Variants in FMNL3 observed in about 807,000 individuals in gnomAD.
FMNL3 encodes formin-like protein 3.
In FMNL3, 57 loss-of-function variants were observed where a neutral mutation model predicts 119.6. The observed-to-expected ratio is 0.48, with a 90% CI of 0.39 to 0.59. The LOEUF (loss-of-function observed/expected upper bound fraction) is 0.59, where lower values mean the gene tolerates loss of function less well. Ranked by LOEUF, FMNL3 falls within the 20% of genes least tolerant of loss-of-function variation. The probability of loss-of-function intolerance (pLI) is 0.00; values close to 1 mark genes in which losing one functional copy is unlikely to be tolerated. For synonymous variants in FMNL3, 491 were observed against 507.3 expected, an observed-to-expected ratio of 0.97 and a Z score of 0.43; for missense variants, 1,053 against 1,323.5, an observed-to-expected ratio of 0.80 and a Z score of 3.17.
chr12:49,674,458 G>C (rs1272248388), intron 1 of FMNL3, among the ~76,000 whole-genome samples: 1 of 152,174 alleles, frequency 6.6e-6, no homozygotes, highest in Non-Finnish European at 1.5e-5. Flanking sequence ...CCCTGGTCCT[G>C]CCAAACTCTA....
At chr12:49,694,577 CAT>C (rs1385286474) in intron 1 of FMNL3, among the ~76,000 whole-genome samples, 2 of 152,142 alleles carry the variant, frequency 1.3e-5, no homozygotes, top group East Asian at 3.8e-4. Flanking sequence ...TGACCACGGA[CAT>C]AGTCAGTCTT....
At chr12:49,671,130 C>T (rs559056464) in intron 1 of FMNL3, among the ~76,000 whole-genome samples, 17 of 152,342 alleles carry the variant, frequency 1.1e-4, no homozygotes, top group African/African-American at 4.1e-4. Context: ...CCTCCCTCAG[C>T]CACCCACTGT....
intron 1 of FMNL3, among the ~76,000 whole-genome samples, chr12:49,701,753 G>A (rs750902628): frequency 7.9e-5 from 12 of 151,882 alleles, no homozygotes; most frequent in East Asian, 1.9e-4. Flanking sequence ...GTGAAACCCC[G>A]TCTCTACTAA....
In FMNL3 at chr12:49,640,661, A is replaced by C. The variant is rs1330802643; in HGVS notation, c.*5154T>G. On this transcript the variant is annotated 3_prime_UTR_variant, in exon 26 of 26. Coordinates refer to ENST00000335154, the MANE Select transcript of FMNL3 (RefSeq NM_175736.5). The stretch of plus-strand genomic sequence containing the variant: ...CTCTGAGCCTGTTTGCTCACCTGTA[A>C]ATCAGGGATAATTCATAGGTAAGGT... 1 of 152,222 alleles carries C rather than the reference A, an allele frequency of 6.6e-6. No homozygotes were observed. Among genetic ancestry groups the C allele is most frequent in the Non-Finnish European group, 1.5e-5 (1 of 68,046 alleles). 9.4% of individuals were successfully genotyped at this position (152,222 alleles called of 1,614,324 possible). A position where few individuals can be genotyped will look rare whatever the true frequency, so the allele number is the denominator to read the frequency against.
Position 49,654,901 on chromosome 12 carries a change from G to C in FMNL3, c.960+9C>G. On this transcript the variant is annotated intron_variant, in intron 10 of 25. Coordinates refer to ENST00000335154, the MANE Select transcript of FMNL3 (RefSeq NM_175736.5). ...TGGGTATGTGCTGGACCCAGGCCCAGTTCCTCACCATGAAGTCAATATTGC... is the reference window on the plus strand; with the variant it reads ...TGGGTATGTGCTGGACCCAGGCCCACTTCCTCACCATGAAGTCAATATTGC... The C allele has an allele frequency of 2.5e-6, 4 of 1,613,824 alleles. No homozygotes were observed. Among genetic ancestry groups the C allele is most frequent in the Non-Finnish European group, 3.4e-6 (4 of 1,179,818 alleles).
In FMNL3 at chr12:49,644,977, TGTACA is replaced by T. The variant is rs1259482050; in HGVS notation, c.*833_*837del. 6.6e-6 allele frequency: 1 copy of T among 152,052 alleles called. No homozygotes were observed. The allele number at this position is 152,052 out of a possible 1,614,324, so 9.4% of individuals were successfully genotyped here. ...TGAGAGGGGGAGAGTCTGAGGTTTA[TGTACA>T]GTAAGAGGAAAGGGAGGTGGTACAT... On this transcript the variant is annotated 3_prime_UTR_variant, in exon 26 of 26. Transcript: ENST00000335154.
At chr12:49,686,786 A>G (rs939585577) in intron 1 of FMNL3, among the ~76,000 whole-genome samples, 1 of 152,098 alleles carries the variant, frequency 6.6e-6, no homozygotes, top group South Asian at 2.1e-4. Flanking sequence ...CCTAGGAAAG[A>G]CAAGTATCTA....
chr12:49,653,399 C>G lies in FMNL3; in HGVS notation c.1222-72G>C, dbSNP rs4641552. 3 of 1,507,180 alleles carry G rather than the reference C, an allele frequency of 2.0e-6. No homozygotes were observed. The African/African-American group carries it at 4.1e-5, about 21-fold the overall frequency. 93.4% of individuals were successfully genotyped at this position (1,507,180 alleles called of 1,614,324 possible). A position where few individuals can be genotyped will look rare whatever the true frequency, so the allele number is the denominator to read the frequency against. On this transcript the variant is annotated intron_variant, in intron 12 of 25. Coordinates refer to ENST00000335154, the MANE Select transcript of FMNL3 (RefSeq NM_175736.5). ...CACTCAGCACAGCCTGAACCCTAGTCAAGACCTGAGTCGGACCCCTCAACA... is the reference window on the plus strand; with the variant it reads ...CACTCAGCACAGCCTGAACCCTAGTGAAGACCTGAGTCGGACCCCTCAACA...
intron 1 of FMNL3, among the ~76,000 whole-genome samples, chr12:49,694,321 G>T (rs1944693228): frequency 6.6e-6 from 1 of 152,230 alleles, no homozygotes; most frequent in Non-Finnish European, 1.5e-5. Flanking sequence ...CTGAGTAGAT[G>T]AATGGGAGAG....
intron 1 of FMNL3, among the ~76,000 whole-genome samples, chr12:49,700,832 C>A (rs1399651418): frequency 2.0e-5 from 3 of 150,288 alleles, no homozygotes; most frequent in Admixed American, 6.6e-5. Context: ...GTAATCCCAG[C>A]ACTTTGGGAG....
At chr12:49,698,876 C>A (rs188673188) in intron 1 of FMNL3, among the ~76,000 whole-genome samples, 101 of 152,292 alleles carry the variant, frequency 6.6e-4, no homozygotes, top group African/African-American at 2.3e-3. Flanking sequence ...ATTCTGGAAT[C>A]CACTTCACTT....
chr12:49,639,966 C>G lies in FMNL3; in HGVS notation c.*5849G>C, dbSNP rs1942383974. 1 of 152,242 alleles carries G rather than the reference C, an allele frequency of 6.6e-6. No homozygotes were observed. Among genetic ancestry groups the G allele is most frequent in the Admixed American group, 6.5e-5 (1 of 15,284 alleles). 9.4% of individuals were successfully genotyped at this position (152,242 alleles called of 1,614,324 possible). A position where few individuals can be genotyped will look rare whatever the true frequency, so the allele number is the denominator to read the frequency against. ...TTATTGGACAATTAACTTTTAGCCA[C>G]AGAGTGGCTGGTTGATAGGCCTGTA... On this transcript the variant is annotated 3_prime_UTR_variant, in exon 26 of 26. Coordinates refer to ENST00000335154, the MANE Select transcript of FMNL3 (RefSeq NM_175736.5).
In FMNL3 at chr12:49,643,751, C is replaced by T. The variant is rs1335227357; in HGVS notation, c.*2064G>A. ...AAAACTAAGAAGAGAAGACACAAGT[C>T]GGTGAGTGAAGGAACTTCTACCTAA... On this transcript the variant is annotated 3_prime_UTR_variant, in exon 26 of 26. Coordinates refer to ENST00000335154, the MANE Select transcript of FMNL3 (RefSeq NM_175736.5). 9 of 1,613,906 alleles carry T rather than the reference C, an allele frequency of 5.6e-6. No individual in the cohort carries two copies. The highest frequency in any genetic ancestry group is 2.7e-5 in the African/African-American group (2 of 74,894).
intron 1 of FMNL3, among the ~76,000 whole-genome samples, chr12:49,678,977 A>G (rs1944266023): frequency 6.6e-6 from 1 of 152,238 alleles, no homozygotes; most frequent in African/African-American, 2.4e-5. Context: ...GATAAAGGAT[A>G]TGATGAGCTA....
In FMNL3 at chr12:49,666,142, G is replaced by T; in HGVS notation, c.276C>A (p.Pro92=). The T allele has an allele frequency of 6.2e-7, 1 of 1,614,066 alleles. No homozygotes were observed. Among genetic ancestry groups the T allele is most frequent in the Non-Finnish European group, 8.5e-7 (1 of 1,179,924 alleles). Residue 92 remains proline (P), a synonymous_variant, in exon 3 of 26, where the codon CCC becomes CCA. Coordinates refer to ENST00000335154, the MANE Select transcript of FMNL3 (RefSeq NM_175736.5). The stretch of plus-strand genomic sequence containing the variant: ...CATACTTCACCTTCCGAGTTACACT[G>T]GGGTCCAAGAAGCTCTGGAGTTTCT... ...YIQKLQSFLD[P]SVTRKKFRRR...
At chr12:49,674,110 C>T (rs1944120572) in intron 1 of FMNL3, among the ~76,000 whole-genome samples, 1 of 152,200 alleles carries the variant, frequency 6.6e-6, no homozygotes, top group Admixed American at 6.5e-5. Context: ...GCTTCGCTGC[C>T]AACCTGGGGA....
chr12:49,699,664 C>T (rs867848494), intron 1 of FMNL3, among the ~76,000 whole-genome samples: 5 of 152,186 alleles, frequency 3.3e-5, no homozygotes, highest in Non-Finnish European at 5.9e-5. Context: ...TGCTTTTATA[C>T]GTGAAAAATA....
At chr12:49,666,079 A>G in intron 3 of FMNL3, 48 bp downstream of exon 3, 1 of 1,586,582 alleles carries the variant, frequency 6.3e-7, no homozygotes, top group East Asian at 2.2e-5. Context: ...CAAACCCCAC[A>G]GGACTATAAA....
intron 4 of FMNL3, 76 bp from the exon 5 acceptor site, chr12:49,662,125 C>T: frequency 7.6e-7 from 1 of 1,312,450 alleles, no homozygotes; most frequent in Non-Finnish European, 1.1e-6. Context: ...ATGCCTCTGA[C>T]CCAACACCTC....
Sources: gnomAD v4.1 joint callset for allele counts (sites outside exome capture counted in the v4.1 genomes callset) on GRCh38, gnomAD v4.1.1 for gene constraint, MANE v1.5 for transcripts, NCBI Gene and HGNC (gene_info 2026-07-23, HGNC 2026-07-21) for gene names.